Variants in SLC25A26 observed in about 807,000 individuals in gnomAD.
The protein encoded by SLC25A26 is mitochondrial S-adenosylmethionine carrier protein.
In SLC25A26, 36 loss-of-function variants were observed where a neutral mutation model predicts 37.8. The observed-to-expected ratio is 0.95, with a 90% confidence interval of 0.73 to 1.26. The LOEUF is 1.26. Among genes scored for constraint, SLC25A26 ranks in the 50% most tolerant of loss-of-function variants. SLC25A26 has a pLI of 0.00. For synonymous variants in SLC25A26, 129 were observed against 122.5 expected (o/e 1.05, Z -0.35); for missense variants, 390 against 331.1 (o/e 1.18, Z -1.38).
intron 1 of SLC25A26, among the ~76,000 whole-genome samples, chr3:66,204,269 CA>C (rs1213126870): frequency 1.3e-4 from 19 of 151,352 alleles, no homozygotes; most frequent in Admixed American, 2.0e-4. Context: ...GCTTAAAATA[CA>C]AAAAAATTAG....
intron 6 of SLC25A26, among the ~76,000 whole-genome samples, chr3:66,354,776 A>G (rs1373949783): frequency 6.6e-6 from 1 of 152,128 alleles, no homozygotes; most frequent in Non-Finnish European, 1.5e-5. Flanking sequence ...TCTTTCCAGC[A>G]CTGTTCTCAT....
rs530523583 is a variant in SLC25A26 at position 66,177,503 on chromosome 3, C to A, written c.-353-43239C>A. Among the ~76,000 whole-genome samples, 19 of 152,332 alleles carry A rather than the reference C, an allele frequency of 1.2e-4. No homozygotes were observed. In the East Asian group the frequency reaches 2.9e-3, roughly 23 times the overall value. On this transcript the variant is annotated intron_variant, in intron 1 of 10. Transcript: ENST00000676754. ...TCCCACTCACCCTTTGAGCTACTGACCTCTTCCTTACCAACTCCTTGTTCC... is the reference window on the plus strand; with the variant it reads ...TCCCACTCACCCTTTGAGCTACTGAACTCTTCCTTACCAACTCCTTGTTCC...
At chr3:66,326,381 G>T (rs2075838109) in intron 5 of SLC25A26, among the ~76,000 whole-genome samples, 1 of 152,232 alleles carries the variant, frequency 6.6e-6, no homozygotes, top group Non-Finnish European at 1.5e-5. Flanking sequence ...CTCCCAAAGT[G>T]GCTCTTCTTC....
chr3:66,201,672 T>C lies in SLC25A26; in HGVS notation c.-353-19070T>C, dbSNP rs1255438621. Among the ~76,000 whole-genome samples the C allele has an allele frequency of 4.6e-5, 7 of 152,338 alleles. No homozygotes were observed. The East Asian group carries it at 1.3e-3, about 29-fold the overall frequency. On this transcript the variant is annotated intron_variant, in intron 1 of 10. Transcript: ENST00000676754. ...TAGATAGATAGACTCTGTTTTAAACTTGTCAAGTGAGTTAACAATTTTTAA... is the reference window on the plus strand; with the variant it reads ...TAGATAGATAGACTCTGTTTTAAACCTGTCAAGTGAGTTAACAATTTTTAA...
intron 1 of SLC25A26, among the ~76,000 whole-genome samples, chr3:66,194,961 G>A (rs2071019612): frequency 6.6e-6 from 1 of 152,166 alleles, no homozygotes; most frequent in African/African-American, 2.4e-5. Flanking sequence ...TCCCCACCCA[G>A]CCACTCACCC....
At chr3:66,333,216 G>C (rs775604720) in intron 5 of SLC25A26, among the ~76,000 whole-genome samples, 1 of 152,148 alleles carries the variant, frequency 6.6e-6, no homozygotes, top group African/African-American at 2.4e-5. Flanking sequence ...TTTGGCCCAA[G>C]CAAATATTCT....
chr3:66,312,760 C>T (rs1053930297), intron 5 of SLC25A26, among the ~76,000 whole-genome samples: 6 of 152,084 alleles, frequency 3.9e-5, no homozygotes, highest in African/African-American at 1.4e-4. Context: ...GAGGTAGTTC[C>T]CTGGCCCCTA....
rs561340627 is a variant in SLC25A26, at chr3:66,372,781, A to G, written c.707+2179A>G. On this transcript the variant is annotated intron_variant, in intron 9 of 9. Coordinates refer to ENST00000354883, the MANE Select transcript of SLC25A26 (RefSeq NM_001379210.1). ...GCTGTTGTGAACAGAGGTCCCAGGC[A>G]CCCTCAGCCTGAAGGTATCTCTGCC... is the stretch of plus-strand genomic sequence containing the variant. 5.3e-5 allele frequency among the ~76,000 whole-genome samples: 8 copies of G among 152,284 alleles called. No homozygotes were observed. In the East Asian group the frequency reaches 1.4e-3, roughly 26 times the overall value.
intron 5 of SLC25A26, among the ~76,000 whole-genome samples, chr3:66,288,982 G>A (rs989839633): frequency 6.6e-6 from 1 of 152,098 alleles, no homozygotes; most frequent in Admixed American, 6.6e-5. Context: ...ATCCTCTCCA[G>A]CATCTGTTGT....
At chr3:66,156,795 A>G (rs1346179310) in intron 1 of SLC25A26, among the ~76,000 whole-genome samples, 2 of 152,026 alleles carry the variant, frequency 1.3e-5, no homozygotes, top group Non-Finnish European at 2.9e-5. Context: ...CCTGCCTAAC[A>G]CAGGCTTTGG....
chr3:66,289,403 T>G (rs892956141), intron 5 of SLC25A26, among the ~76,000 whole-genome samples: 1 of 152,246 alleles, frequency 6.6e-6, no homozygotes, highest in African/African-American at 2.4e-5. Flanking sequence ...TGCCCATGCC[T>G]GTGTCCTGAA....
chr3:66,222,904 T>TC lies in SLC25A26; in HGVS notation c.33+1780dup, dbSNP rs201685119. On this transcript the variant is annotated intron_variant, in intron 1 of 9. Transcript: ENST00000354883. ...ACACATGCAGTAAAGTATACTTTTTTCCCAATGTATTTATAGAGGGTAAAA... is the reference window on the plus strand; with the variant it reads ...ACACATGCAGTAAAGTATACTTTTTTCCCCAATGTATTTATAGAGGGTAAAA... Among the ~76,000 whole-genome samples the TC allele has an allele frequency of 9.5e-4, 144 of 152,304 alleles. 3 individuals are homozygous for TC. The East Asian group carries it at 0.022, about 24-fold the overall frequency.
chr3:66,280,585 G>A (rs1310733977), intron 5 of SLC25A26, among the ~76,000 whole-genome samples: 8 of 152,112 alleles, frequency 5.3e-5, no homozygotes, highest in Admixed American at 2.6e-4. Context: ...CTTAACGCTC[G>A]TCTAGTAACA....
Position 66,369,587 on chromosome 3 carries a change from T to G in SLC25A26, c.633+45T>G, listed in dbSNP as rs768169097. ...AATGGAGATACTTCAGATGCTCATA[T>G]CTGTTAGCACTAGGACTACAGGTGT... On this transcript the variant is annotated intron_variant, in intron 8 of 9. Transcript: ENST00000354883. 3 of 1,475,502 alleles carry G rather than the reference T, an allele frequency of 2.0e-6. No homozygotes were observed. The South Asian group carries it at 3.6e-5, about 18-fold the overall frequency. 91.4% of individuals were successfully genotyped at this position (1,475,502 alleles called of 1,614,324 possible).
chr3:66,205,791 T>G lies in SLC25A26; in HGVS notation c.-353-14951T>G, dbSNP rs963691658. On this transcript the variant is annotated intron_variant, in intron 1 of 10. Transcript: ENST00000676754. ...CCATGGGCCAACATTCAAGCTTACA[T>G]CCAACTAAGGCCATTTGTTCATAGG... Among the ~76,000 whole-genome samples the G allele has an allele frequency of 9.4e-4, 143 of 152,266 alleles. No individual in the cohort carries two copies. The Middle Eastern group carries it at 0.01, about 11-fold the overall frequency.
intron 5 of SLC25A26, among the ~76,000 whole-genome samples, chr3:66,328,806 G>T (rs1007927935): frequency 2.6e-5 from 4 of 151,884 alleles, no homozygotes; most frequent in African/African-American, 9.7e-5. Context: ...TCTATTTGTT[G>T]TCTAAATGGC....
At chr3:66,314,035 T>C (rs1207232058) in intron 5 of SLC25A26, among the ~76,000 whole-genome samples, 1 of 152,066 alleles carries the variant, frequency 6.6e-6, no homozygotes, top group South Asian at 2.1e-4. Context: ...GACAATGGGG[T>C]TTTCTAGAAG....
intron 5 of SLC25A26, among the ~76,000 whole-genome samples, chr3:66,318,258 C>T (rs746788322): frequency 1.8e-4 from 27 of 152,134 alleles, no homozygotes; most frequent in South Asian, 2.1e-4. Flanking sequence ...GAGCAGCTGC[C>T]GTGATTCTGC....
chr3:66,170,655 C>T (rs1009347587), intron 1 of SLC25A26, among the ~76,000 whole-genome samples: 4 of 152,154 alleles, frequency 2.6e-5, no homozygotes, highest in African/African-American at 4.8e-5. Context: ...ACTAAAGACA[C>T]ACACCTGTTA....
Sources: allele counts gnomAD v4.1 joint callset (sites outside exome capture counted in the v4.1 genomes callset), GRCh38; gene constraint gnomAD v4.1.1; transcripts MANE v1.5; gene names NCBI Gene and HGNC (gene_info 2026-07-23, HGNC 2026-07-21).